AKT3: variants seen among roughly 807,000 people sequenced by gnomAD.
AKT3 encodes RAC-gamma serine/threonine-protein kinase.
In AKT3, 15 loss-of-function variants were observed where a neutral mutation model predicts 65.3. The observed-to-expected ratio is 0.23, with a 90% CI of 0.15 to 0.35. The LOEUF (loss-of-function observed/expected upper bound fraction) is 0.35, where lower values mean the gene tolerates loss of function less well. Among genes scored for constraint, AKT3 ranks in the 10% least tolerant of loss-of-function variants. The pLI is 1.00. For missense variants in AKT3, 243 were observed against 576.5 expected, an observed-to-expected ratio of 0.42 and a Z score of 5.92; for synonymous variants, 206 against 183.8, an observed-to-expected ratio of 1.12 and a Z score of -0.98.
At chr1:243,551,792 CAT>C (rs1263326250) in intron 11 of AKT3, among the ~76,000 whole-genome samples, 4 of 152,104 alleles carry the variant, frequency 2.6e-5, no homozygotes, top group East Asian at 1.9e-4. Flanking sequence ...AGTCATTTCA[CAT>C]ATGATTTATG....
chr1:243,535,310 C>T (rs184399923), intron 12 of AKT3, among the ~76,000 whole-genome samples: 1 of 146,870 alleles, frequency 6.8e-6, no homozygotes, highest in Non-Finnish European at 1.5e-5. Context: ...TTTAGTGTAC[C>T]CATCACCCAA....
At chr1:243,777,113 C>T (rs911905277) in intron 2 of AKT3, among the ~76,000 whole-genome samples, 1 of 151,672 alleles carries the variant, frequency 6.6e-6, no homozygotes, top group Admixed American at 6.6e-5. Flanking sequence ...CACCAGGGAC[C>T]GGCTTCATGG....
intron 6 of AKT3, among the ~76,000 whole-genome samples, chr1:243,625,919 C>T (rs1572052728): frequency 6.6e-6 from 1 of 152,240 alleles, no homozygotes; most frequent in East Asian, 1.9e-4. Context: ...TGGGTAAAAG[C>T]CACTGTAAAA....
intron 9 of AKT3, among the ~76,000 whole-genome samples, chr1:243,567,680 C>G (rs1674266668): frequency 6.6e-6 from 1 of 152,018 alleles, no homozygotes; most frequent in Admixed American, 6.6e-5. Flanking sequence ...CTATCAATTA[C>G]TTTGTCTTCT....
chr1:243,781,147 CT>C (rs1342405066), intron 2 of AKT3, among the ~76,000 whole-genome samples: 1 of 151,938 alleles, frequency 6.6e-6, no homozygotes, highest in Non-Finnish European at 1.5e-5. Context: ...ATATAATTTT[CT>C]TTATAAACAT....
chr1:243,789,936 G>C (rs1336506522), intron 2 of AKT3, among the ~76,000 whole-genome samples: 2 of 152,192 alleles, frequency 1.3e-5, no homozygotes, highest in Non-Finnish European at 2.9e-5. Flanking sequence ...GAATCTTTCT[G>C]AGCAGTAGGT....
At chr1:243,842,017 G>T (rs1054098122) in intron 2 of AKT3, among the ~76,000 whole-genome samples, 13 of 152,104 alleles carry the variant, frequency 8.5e-5, no homozygotes, top group African/African-American at 3.1e-4. Context: ...TGAGGACTGG[G>T]CTGCAAGGGA....
intron 3 of AKT3, among the ~76,000 whole-genome samples, chr1:243,690,209 C>T (rs1684596569): frequency 6.6e-6 from 1 of 151,890 alleles, no homozygotes; most frequent in African/African-American, 2.4e-5. Flanking sequence ...GTAGGATAAG[C>T]CCAAGACATA....
chr1:243,490,772 C>T (rs1459724076), intron 13 of AKT3, among the ~76,000 whole-genome samples: 1 of 152,202 alleles, frequency 6.6e-6, no homozygotes, highest in Non-Finnish European at 1.5e-5. Flanking sequence ...GCCTGCAGAG[C>T]AGCAGCTGTG....
chr1:243,812,597 T>A (rs1029148828), intron 2 of AKT3, among the ~76,000 whole-genome samples: 2 of 152,208 alleles, frequency 1.3e-5, no homozygotes, highest in African/African-American at 2.4e-5. Flanking sequence ...TCAACCATTG[T>A]GGAAGACAGT....
intron 2 of AKT3, among the ~76,000 whole-genome samples, chr1:243,820,723 A>G (rs962212660): frequency 6.6e-6 from 1 of 152,160 alleles, no homozygotes; most frequent in African/African-American, 2.4e-5. Context: ...CTATCTTCCC[A>G]AGATTAGAGA....
At chr1:243,766,722 G>C (rs1297516563) in intron 2 of AKT3, among the ~76,000 whole-genome samples, 1 of 152,160 alleles carries the variant, frequency 6.6e-6, no homozygotes, top group African/African-American at 2.4e-5. Context: ...AACTAGAGTA[G>C]TGAAGAAAAG....
chr1:243,801,598 C>T (rs1692385753), intron 2 of AKT3, among the ~76,000 whole-genome samples: 1 of 152,136 alleles, frequency 6.6e-6, no homozygotes. Flanking sequence ...TGTGAGAATT[C>T]TGAGGTTAGG....
intron 12 of AKT3, among the ~76,000 whole-genome samples, chr1:243,531,196 T>C (rs1671502651): frequency 6.6e-6 from 1 of 152,088 alleles, no homozygotes; most frequent in Non-Finnish European, 1.5e-5. Context: ...GCTCAAATGA[T>C]CCTCCCACCT....
intron 2 of AKT3, among the ~76,000 whole-genome samples, chr1:243,727,734 G>A (rs1687299795): frequency 6.6e-6 from 1 of 151,770 alleles, no homozygotes; most frequent in African/African-American, 2.4e-5. Flanking sequence ...CTGCAGAAAA[G>A]GAACCTCCAT....
upstream of AKT3, chr1:243,850,961 C>A (rs1384994688): frequency 1.3e-5 from 2 of 152,138 alleles, no homozygotes; most frequent in African/African-American, 4.8e-5. Flanking sequence ...CCGCCCTGGC[C>A]GCGGACGCGC....
intron 3 of AKT3, among the ~76,000 whole-genome samples, chr1:243,692,755 G>GT (rs1252329811): frequency 1.3e-5 from 2 of 151,820 alleles, no homozygotes; most frequent in Non-Finnish European, 1.5e-5. Context: ...AAATTTATGT[G>GT]TTTTTTTGGG....
At chr1:243,635,863 C>T (rs1204365524) in intron 6 of AKT3, among the ~76,000 whole-genome samples, 1 of 151,976 alleles carries the variant, frequency 6.6e-6, no homozygotes, top group Non-Finnish European at 1.5e-5. Flanking sequence ...TTGTCACACT[C>T]CAAATCTTCA....
At chr1:243,744,663 C>T (rs1688368203) in intron 2 of AKT3, among the ~76,000 whole-genome samples, 1 of 147,788 alleles carries the variant, frequency 6.8e-6, no homozygotes, top group South Asian at 2.2e-4. Flanking sequence ...GGCGTGAACC[C>T]GGGAGGCGGA....
Sources: gnomAD v4.1 joint callset for allele counts (sites outside exome capture counted in the v4.1 genomes callset) on GRCh38, gnomAD v4.1.1 for gene constraint, MANE v1.5 for transcripts, NCBI Gene and HGNC (gene_info 2026-07-23, HGNC 2026-07-21) for gene names.